ANKRD6: variants seen among roughly 807,000 people sequenced by gnomAD.
ANKRD6 encodes ankyrin repeat domain-containing protein 6.
ANKRD6 carries 56 observed loss-of-function variants against 82.3 expected under a neutral mutation model. The observed-to-expected ratio is 0.68, with a 90% confidence interval of 0.55 to 0.85. The LOEUF is 0.85. ANKRD6 is among the 40% of genes least tolerant of loss of function. The pLI is 0.00. For missense variants in ANKRD6, 852 were observed against 907.6 expected, an observed-to-expected ratio of 0.94 and a Z score of 0.79; for synonymous variants, 347 against 352.1, an observed-to-expected ratio of 0.99 and a Z score of 0.16.
At chr6:89,534,778 G>A (rs1179851185) in intron 1 of ANKRD6, among the ~76,000 whole-genome samples, 1 of 152,178 alleles carries the variant, frequency 6.6e-6, no homozygotes, top group African/African-American at 2.4e-5. Context: ...AGTCAACCAG[G>A]TAAGTTCAAG....
At chr6:89,587,397 G>A (rs2128131810) in intron 2 of ANKRD6, among the ~76,000 whole-genome samples, 2 of 152,246 alleles carry the variant, frequency 1.3e-5, no homozygotes, top group East Asian at 3.9e-4. Context: ...GCTGAGGCAG[G>A]AGAATCGCTT....
chr6:89,566,760 A>G (rs1788630825), intron 1 of ANKRD6, 74 bp from the exon 2 acceptor site: 1 of 531,172 alleles, frequency 1.9e-6, no homozygotes, highest in African/African-American at 1.9e-5. Flanking sequence ...ATGCCTTAAA[A>G]TCACAGAGAA....
chr6:89,580,931 G>A (rs905082451), intron 2 of ANKRD6, among the ~76,000 whole-genome samples: 2 of 152,114 alleles, frequency 1.3e-5, no homozygotes, highest in Non-Finnish European at 2.9e-5. Flanking sequence ...TATATAGCAT[G>A]CTCCTTCCAA....
At chr6:89,448,566 C>G (rs975145871) in intron 1 of ANKRD6, among the ~76,000 whole-genome samples, 1 of 152,160 alleles carries the variant, frequency 6.6e-6, no homozygotes. Context: ...TTAAGACCTA[C>G]TGCTTAGAAA....
At chr6:89,521,194 C>A (rs571536403) in intron 1 of ANKRD6, among the ~76,000 whole-genome samples, 36 of 152,278 alleles carry the variant, frequency 2.4e-4, no homozygotes, top group African/African-American at 8.7e-4. Context: ...TCCTTGCCCT[C>A]ACAGTGCTCA....
intron 1 of ANKRD6, among the ~76,000 whole-genome samples, chr6:89,515,336 C>T (rs192701941): frequency 3.9e-5 from 6 of 152,216 alleles, no homozygotes; most frequent in African/African-American, 1.4e-4. Flanking sequence ...CAAAGGAAAA[C>T]ATGTCCTCAA....
At chr6:89,519,629 G>A (rs182830689) in intron 1 of ANKRD6, among the ~76,000 whole-genome samples, 123 of 152,332 alleles carry the variant, frequency 8.1e-4, no homozygotes, top group Non-Finnish European at 1.6e-3. Flanking sequence ...ATTTGAATCA[G>A]GAGTTTGGAG....
chr6:89,560,989 C>T (rs996065861), intron 1 of ANKRD6: 2 of 152,190 alleles, frequency 1.3e-5, no homozygotes, highest in African/African-American at 2.4e-5. Context: ...CCAGCCCTGA[C>T]TTGGAGGCTC....
At chr6:89,538,436 T>G (rs1344587509) in intron 1 of ANKRD6, among the ~76,000 whole-genome samples, 3 of 152,166 alleles carry the variant, frequency 2.0e-5, no homozygotes, top group African/African-American at 7.2e-5. Flanking sequence ...GTTTAAATTG[T>G]ATGTATGGGG....
chr6:89,495,948 G>A (rs1358158409), intron 1 of ANKRD6, among the ~76,000 whole-genome samples: 1 of 152,054 alleles, frequency 6.6e-6, no homozygotes, highest in East Asian at 1.9e-4. Context: ...AGTAATTGTG[G>A]CATCAGGATT....
In ANKRD6 at chr6:89,627,630, G is replaced by A. The variant is rs1312216934; in HGVS notation, c.1419G>A (p.Arg473=). Residue 473 remains arginine, a synonymous_variant, in exon 14 of 16, where the codon AGG becomes AGA. Transcript: ENST00000339746. ...TGGTTGAGCGACTTTCTGCAGAGAG[G>A]ACGGAGTGCCTGAACCGCCTGCAAC... ...KLMVERLSAE[R]TECLNRLQQH... is the part of the protein sequence containing the mutation. 3.7e-6 allele frequency: 6 copies of A among 1,613,720 alleles called. No individual in the cohort carries two copies. The South Asian group carries it at 6.6e-5, about 18-fold the overall frequency.
At chr6:89,501,789 T>C (rs947956381) in intron 1 of ANKRD6, among the ~76,000 whole-genome samples, 2 of 152,186 alleles carry the variant, frequency 1.3e-5, no homozygotes, top group African/African-American at 4.8e-5. Context: ...CTTATTTCAT[T>C]TATTTCTCAT....
chr6:89,616,915 T>G (rs1801719520), intron 8 of ANKRD6: 1 of 621,062 alleles, frequency 1.6e-6, no homozygotes, highest in Non-Finnish European at 3.0e-6. Flanking sequence ...GAAAAAGAAC[T>G]CAGGGATGTC....
chr6:89,556,071 GCACCATAGA>G (rs1786555591), intron 1 of ANKRD6, among the ~76,000 whole-genome samples: 2 of 152,188 alleles, frequency 1.3e-5, no homozygotes, highest in African/African-American at 4.8e-5. Flanking sequence ...ATAGATAAAG[GCACCATAGA>G]CCTAGCAAAC....
intron 1 of ANKRD6, chr6:89,561,193 G>A (rs1787363147): frequency 1.3e-5 from 2 of 152,244 alleles, no homozygotes; most frequent in African/African-American, 4.8e-5. Context: ...ATATTCAGAT[G>A]TCACTCAGCT....
chr6:89,514,501 A>G (rs1220735673), intron 1 of ANKRD6, among the ~76,000 whole-genome samples: 1 of 152,186 alleles, frequency 6.6e-6, no homozygotes, highest in African/African-American at 2.4e-5. Flanking sequence ...AATGTGGCCC[A>G]GTGAAGCCAA....
chr6:89,513,201 G>A (rs1422837330), intron 1 of ANKRD6, among the ~76,000 whole-genome samples: 1 of 152,170 alleles, frequency 6.6e-6, no homozygotes, highest in East Asian at 1.9e-4. Context: ...ACTGTGCATG[G>A]CTGTCATGGC....
intron 1 of ANKRD6, among the ~76,000 whole-genome samples, chr6:89,434,456 C>T (rs1770367650): frequency 1.3e-5 from 2 of 152,098 alleles, no homozygotes; most frequent in African/African-American, 4.8e-5. Context: ...GTTTCTCATC[C>T]CCAAAACACC....
At chr6:89,508,723 TG>T (rs1780170269) in intron 1 of ANKRD6, 1 of 152,192 alleles carries the variant, frequency 6.6e-6, no homozygotes, top group African/African-American at 2.4e-5. Flanking sequence ...AGTGTTAAAC[TG>T]AGGTTGAAAT....
Sources: gnomAD v4.1 joint callset for allele counts (sites outside exome capture counted in the v4.1 genomes callset) on GRCh38, gnomAD v4.1.1 for gene constraint, MANE v1.5 for transcripts, NCBI Gene and HGNC (gene_info 2026-07-23, HGNC 2026-07-21) for gene names.